The following ASCC3 variants were observed in gnomAD, a reference collection of about 807,000 sequenced individuals.
ASCC3 encodes activating signal cointegrator 1 complex subunit 3.
Under a neutral mutation model 256.3 loss-of-function variants are expected in ASCC3, and 158 were observed. The observed-to-expected ratio is 0.62, with a 90% CI of 0.54 to 0.70. The LOEUF is 0.70. Ranked by LOEUF, ASCC3 falls within the 30% of genes least tolerant of loss-of-function variation. The pLI is 0.00. For synonymous variants in ASCC3, 948 were observed against 883.4 expected, an observed-to-expected ratio of 1.07 and a Z score of -1.30; for missense variants, 2,259 against 2,626.0, an observed-to-expected ratio of 0.86 and a Z score of 3.05.
At chr6:100,664,553 C>T (rs762673571) in intron 14 of ASCC3, among the ~76,000 whole-genome samples, 21 of 152,078 alleles carry the variant, frequency 1.4e-4, no homozygotes, top group African/African-American at 5.1e-4. Context: ...AAGAGGAGAG[C>T]TTCTTAAAGT....
chr6:100,564,489 T>C (rs952717155), intron 36 of ASCC3, among the ~76,000 whole-genome samples: 3 of 152,146 alleles, frequency 2.0e-5, no homozygotes, highest in African/African-American at 4.8e-5. Flanking sequence ...TCACTTAACA[T>C]AATGCCCTCC....
intron 8 of ASCC3, among the ~76,000 whole-genome samples, chr6:100,786,907 G>T (rs761267700): frequency 6.6e-6 from 1 of 152,112 alleles, no homozygotes; most frequent in African/African-American, 2.4e-5. Flanking sequence ...AGAGTTAACT[G>T]ATTATCTATA....
At chr6:100,714,710 A>C (rs981104586) in intron 13 of ASCC3, among the ~76,000 whole-genome samples, 1 of 152,132 alleles carries the variant, frequency 6.6e-6, no homozygotes, top group Non-Finnish European at 1.5e-5. Flanking sequence ...CTTAAAACCA[A>C]GCACAATCTC....
At chr6:100,641,518 A>G (rs1178027386) in intron 24 of ASCC3, among the ~76,000 whole-genome samples, 2 of 152,122 alleles carry the variant, frequency 1.3e-5, no homozygotes, top group African/African-American at 4.8e-5. Context: ...GTCTGTTCAT[A>G]TCCTTTGCCC....
intron 16 of ASCC3, among the ~76,000 whole-genome samples, chr6:100,657,944 T>C (rs117307664): frequency 2.6e-4 from 39 of 151,652 alleles, no homozygotes; most frequent in Middle Eastern, 3.4e-3. Flanking sequence ...GAACCTTTTA[T>C]AAAACAGGAA....
chr6:100,589,572 T>C, intron 36 of ASCC3, 62 bp downstream of exon 36: 1 of 1,598,918 alleles, frequency 6.3e-7, no homozygotes, highest in Non-Finnish European at 8.5e-7. Context: ...CAAGACAAAC[T>C]AGGTGGCAAA....
At chr6:100,832,139 TA>T (rs2114460586) in intron 4 of ASCC3, among the ~76,000 whole-genome samples, 2 of 152,236 alleles carry the variant, frequency 1.3e-5, no homozygotes, top group East Asian at 3.9e-4. Flanking sequence ...AGAAAGGCAT[TA>T]TTTTAAAAGA....
At chr6:100,780,254 T>G (rs562330618) in intron 8 of ASCC3, among the ~76,000 whole-genome samples, 73 of 152,290 alleles carry the variant, frequency 4.8e-4, no homozygotes, top group African/African-American at 1.7e-3. Context: ...CACCCAGATG[T>G]GGTTAATGGC....
chr6:100,522,888 G>C (rs73500922), intron 37 of ASCC3, among the ~76,000 whole-genome samples: 120 of 150,592 alleles, frequency 8.0e-4, no homozygotes, highest in African/African-American at 2.8e-3. Flanking sequence ...ACTTCAAAGG[G>C]CTTGCTTTAA....
intron 37 of ASCC3, among the ~76,000 whole-genome samples, chr6:100,522,083 A>G (rs1243061753): frequency 6.6e-6 from 1 of 152,172 alleles, no homozygotes; most frequent in African/African-American, 2.4e-5. Context: ...GACATTCATT[A>G]GCAGCTTAAC....
At chr6:100,576,452 C>T (rs1770865903) in intron 36 of ASCC3, among the ~76,000 whole-genome samples, 1 of 151,404 alleles carries the variant, frequency 6.6e-6, no homozygotes. Flanking sequence ...AATTTTTTTA[C>T]AGCTGGAATG....
intron 37 of ASCC3, among the ~76,000 whole-genome samples, chr6:100,537,267 A>G (rs1407142249): frequency 6.6e-6 from 1 of 152,172 alleles, no homozygotes; most frequent in Non-Finnish European, 1.5e-5. Context: ...CTGCTGTGGT[A>G]TTCTTGACAA....
chr6:100,846,357 A>G (rs1008911479), intron 4 of ASCC3, among the ~76,000 whole-genome samples: 1 of 152,236 alleles, frequency 6.6e-6, no homozygotes, highest in African/African-American at 2.4e-5. Flanking sequence ...AATTATGACA[A>G]TGATTGTCCA....
chr6:100,732,334 C>T (rs1431254330), intron 10 of ASCC3, among the ~76,000 whole-genome samples: 1 of 152,008 alleles, frequency 6.6e-6, no homozygotes, highest in Non-Finnish European at 1.5e-5. Flanking sequence ...TAAGAGATTA[C>T]ATTTATTCAA....
intron 8 of ASCC3, among the ~76,000 whole-genome samples, chr6:100,779,413 T>C (rs549876974): frequency 6.6e-6 from 1 of 152,278 alleles, no homozygotes; most frequent in Non-Finnish European, 1.5e-5. Context: ...ATTTGTACTG[T>C]GCTTACAACC....
chr6:100,828,588 G>A (rs925734197), intron 4 of ASCC3, among the ~76,000 whole-genome samples: 5 of 152,116 alleles, frequency 3.3e-5, no homozygotes, highest in African/African-American at 1.2e-4. Flanking sequence ...CTTCCTTCTG[G>A]TGGGTTTGTG....
At chr6:100,613,059 TTTC>T (rs1467994477) in intron 30 of ASCC3, among the ~76,000 whole-genome samples, 42 of 147,396 alleles carry the variant, frequency 2.8e-4, no homozygotes, top group Middle Eastern at 3.4e-3. Context: ...TCTTTTTTTC[TTTC>T]TTTCTTTCTT....
At position 100,508,926 on chromosome 6, in the gene ASCC3, T is replaced by C. The variant is rs2114594272; in HGVS notation, c.*460A>G. 5.9e-6 allele frequency: 1 copy of C among 168,114 alleles called. No individual in the cohort carries two copies. The highest frequency in any genetic ancestry group is 1.5e-4 in the South Asian group (1 of 6,494). 10.4% of individuals were successfully genotyped at this position (168,114 alleles called of 1,614,324 possible). On this transcript the variant is annotated 3_prime_UTR_variant, in exon 42 of 42. Transcript: ENST00000369162. ...GATCATATCAAAGTATAAATTTTGC[T>C]AACAAGACACGCTGTGTACCACCTT... is the stretch of plus-strand genomic sequence containing the variant.
intron 1 of ASCC3, among the ~76,000 whole-genome samples, chr6:100,878,907 A>AG (rs1449289407): frequency 2.0e-5 from 3 of 152,234 alleles, no homozygotes; most frequent in African/African-American, 7.2e-5. Context: ...GACACTATCT[A>AG]GAGATACTGT....
Sources: gnomAD v4.1 joint callset for allele counts (sites outside exome capture counted in the v4.1 genomes callset) on GRCh38, gnomAD v4.1.1 for gene constraint, MANE v1.5 for transcripts, NCBI Gene and HGNC (gene_info 2026-07-23, HGNC 2026-07-21) for gene names.